The following ANO2 variants were observed in gnomAD, a reference collection of about 807,000 sequenced individuals.
The protein encoded by ANO2 is anoctamin 2.
ANO2 carries 101 observed loss-of-function variants against 124.2 expected under a neutral mutation model. The observed-to-expected ratio is 0.81, with a 90% confidence interval of 0.69 to 0.96. The LOEUF (loss-of-function observed/expected upper bound fraction) is 0.96. Ranked by LOEUF, ANO2 falls within the 40% of genes least tolerant of loss-of-function variation. The probability of loss-of-function intolerance (pLI) is 0.00; values close to 1 mark genes in which losing one functional copy is unlikely to be tolerated. For missense variants in ANO2, 1,293 were observed against 1,274.5 expected (o/e 1.01, Z -0.22); for synonymous variants, 486 against 482.5 (o/e 1.01, Z -0.09).
At chr12:5,595,001 C>T (rs1053981797) in intron 20 of ANO2, among the ~76,000 whole-genome samples, 4 of 152,206 alleles carry the variant, frequency 2.6e-5, no homozygotes, top group Non-Finnish European at 2.9e-5. Context: ...CTCCCACTTA[C>T]AGCTGGAAAC....
intron 3 of ANO2, among the ~76,000 whole-genome samples, chr12:5,860,315 G>T (rs1041595033): frequency 6.6e-6 from 1 of 152,058 alleles, no homozygotes; most frequent in Admixed American, 6.6e-5. Context: ...TCACAGCACG[G>T]ACCCACTATC....
At chr12:5,898,517 A>G (rs562095727) in intron 3 of ANO2, among the ~76,000 whole-genome samples, 5 of 152,380 alleles carry the variant, frequency 3.3e-5, no homozygotes. Context: ...AGACAAGGAA[A>G]ATGTGGTACA....
chr12:5,767,245 G>A (rs952920316), intron 10 of ANO2, among the ~76,000 whole-genome samples: 1 of 152,212 alleles, frequency 6.6e-6, no homozygotes, highest in East Asian at 1.9e-4. Context: ...ATGGGCAGGT[G>A]CAGGGATGCC....
intron 12 of ANO2, among the ~76,000 whole-genome samples, chr12:5,741,895 T>A (rs1951107672): frequency 6.6e-6 from 1 of 152,200 alleles, no homozygotes; most frequent in South Asian, 2.1e-4. Flanking sequence ...TTACCTGCCA[T>A]GGGATCCCTA....
chr12:5,584,995 A>G (rs1943030068), intron 20 of ANO2, among the ~76,000 whole-genome samples: 1 of 152,098 alleles, frequency 6.6e-6, no homozygotes, highest in Non-Finnish European at 1.5e-5. Flanking sequence ...AAGGGCTCAG[A>G]ATATGCTGTG....
At chr12:5,874,035 C>A (rs1472165018) in intron 3 of ANO2, among the ~76,000 whole-genome samples, 6 of 152,244 alleles carry the variant, frequency 3.9e-5, no homozygotes, top group African/African-American at 1.4e-4. Context: ...TTACACACAT[C>A]TGTGGAGTCC....
At position 5,732,600 on chromosome 12, in the gene ANO2, C is replaced by A; in HGVS notation, c.1465G>T (p.Val489Phe). Residue 489 changes from valine to phenylalanine, a missense_variant, in exon 14 of 25, where the codon GTT becomes TTT. By Grantham distance (50) the Val-to-Phe change is conservative (BLOSUM62 -1). Transcript: ENST00000682330. ...EHSRPEYETK[V>F]REKMLKESNQ... Reference sequence around the variant, plus strand: ...CTCTCCTTTAGCATTTTCTCTCGAACTTTGGTTTCATACTCAGGCCTGGAA... The same window carrying A: ...CTCTCCTTTAGCATTTTCTCTCGAAATTTGGTTTCATACTCAGGCCTGGAA... The A allele has an allele frequency of 6.2e-7, 1 of 1,613,914 alleles. No homozygotes were observed. The highest frequency in any genetic ancestry group is 8.5e-7 in the Non-Finnish European group (1 of 1,179,854).
chr12:5,847,610 T>C (rs1954723827), intron 4 of ANO2, among the ~76,000 whole-genome samples: 2 of 152,066 alleles, frequency 1.3e-5, no homozygotes, highest in South Asian at 2.1e-4. Context: ...CAGGAAGAAG[T>C]CCTCCTGTGA....
intron 13 of ANO2, among the ~76,000 whole-genome samples, chr12:5,735,139 G>A (rs1360748238): frequency 6.6e-6 from 1 of 152,174 alleles, no homozygotes; most frequent in African/African-American, 2.4e-5. Flanking sequence ...CCTGGCCAGA[G>A]CAGAATCCAG....
At chr12:5,893,931 A>G (rs151062387) in intron 3 of ANO2, among the ~76,000 whole-genome samples, 8 of 152,288 alleles carry the variant, frequency 5.3e-5, no homozygotes, top group South Asian at 2.1e-4. Context: ...GCTATTGTCA[A>G]TAGTGCTGCA....
chr12:5,633,950 T>C (rs369258950), intron 16 of ANO2, among the ~76,000 whole-genome samples: 1 of 152,266 alleles, frequency 6.6e-6, no homozygotes, highest in South Asian at 2.1e-4. Flanking sequence ...CTCTCACTTA[T>C]CTCTGGGCTC....
At chr12:5,724,073 C>T (rs1950340226) in intron 14 of ANO2, among the ~76,000 whole-genome samples, 1 of 152,070 alleles carries the variant, frequency 6.6e-6, no homozygotes, top group African/African-American at 2.4e-5. Context: ...TAATTCAGCC[C>T]TTAATAGCCA....
chr12:5,700,988 A>G (rs796908389), intron 14 of ANO2, among the ~76,000 whole-genome samples: 7 of 151,686 alleles, frequency 4.6e-5, no homozygotes, highest in African/African-American at 1.7e-4. Flanking sequence ...CATGGCTCCA[A>G]TTGCCTTTCA....
intron 10 of ANO2, among the ~76,000 whole-genome samples, chr12:5,783,840 C>G (rs967854613): frequency 2.0e-5 from 3 of 152,168 alleles, no homozygotes; most frequent in Non-Finnish European, 2.9e-5. Flanking sequence ...CACTAGGGCT[C>G]CAGCCTGTGC....
chr12:5,944,824 T>C (rs1389294891), intron 1 of ANO2, among the ~76,000 whole-genome samples: 1 of 152,070 alleles, frequency 6.6e-6, no homozygotes, highest in African/African-American at 2.4e-5. Flanking sequence ...TTACTTATTG[T>C]TTACTTACCT....
At chr12:5,612,546 C>T in intron 19 of ANO2, 110 bp downstream of exon 19, 1 of 863,974 alleles carries the variant, frequency 1.2e-6, no homozygotes, top group Non-Finnish European at 1.9e-6. Context: ...AGAATTAAAT[C>T]ACCAAGCTGT....
At chr12:5,869,724 T>C (rs1955521220) in intron 3 of ANO2, among the ~76,000 whole-genome samples, 1 of 152,112 alleles carries the variant, frequency 6.6e-6, no homozygotes, top group East Asian at 1.9e-4. Flanking sequence ...GGCGGATGTG[T>C]CCCTCATGTG....
chr12:5,673,630 C>T (rs1408912825), intron 14 of ANO2, among the ~76,000 whole-genome samples: 1 of 152,150 alleles, frequency 6.6e-6, no homozygotes, highest in African/African-American at 2.4e-5. Flanking sequence ...TGAATGATCA[C>T]TACATTCCAT....
chr12:5,709,839 G>A (rs746711233), intron 14 of ANO2, among the ~76,000 whole-genome samples: 4 of 152,194 alleles, frequency 2.6e-5, no homozygotes, highest in Non-Finnish European at 4.4e-5. Context: ...AAGGTCTTGG[G>A]GTCATAGATG....
Sources: allele counts gnomAD v4.1 joint callset (sites outside exome capture counted in the v4.1 genomes callset), GRCh38; gene constraint gnomAD v4.1.1; transcripts MANE v1.5; gene names NCBI Gene and HGNC (gene_info 2026-07-23, HGNC 2026-07-21).